The following FSIP1 variants were observed in gnomAD, a reference collection of about 807,000 sequenced individuals.
FSIP1 encodes the protein fibrous sheath-interacting protein 1.
In FSIP1, 65 loss-of-function variants were observed where a neutral mutation model predicts 60.9. The observed-to-expected ratio is 1.07, with a 90% CI of 0.87 to 1.31. The LOEUF (loss-of-function observed/expected upper bound fraction) is 1.31. Ranked by LOEUF, FSIP1 falls within the 40% of genes most tolerant of loss-of-function variation. The pLI is 0.00. For missense variants in FSIP1, 675 were observed against 665.5 expected, an observed-to-expected ratio of 1.01 and a Z score of -0.16; for synonymous variants, 209 against 221.2, an observed-to-expected ratio of 0.94 and a Z score of 0.49.
At chr15:39,778,925 T>G (rs1472138340) in intron 1 of FSIP1, among the ~76,000 whole-genome samples, 1 of 152,014 alleles carries the variant, frequency 6.6e-6, no homozygotes, top group Non-Finnish European at 1.5e-5. Flanking sequence ...TAAAGATAAA[T>G]TTCATAATTA....
intron 11 of FSIP1, among the ~76,000 whole-genome samples, chr15:39,611,603 C>T (rs1214537716): frequency 6.6e-6 from 1 of 152,188 alleles, no homozygotes; most frequent in Non-Finnish European, 1.5e-5. Context: ...AAAGAAACAA[C>T]AGCTCTACAA....
chr15:39,780,259 C>G (rs943130714), intron 1 of FSIP1, among the ~76,000 whole-genome samples: 2 of 152,206 alleles, frequency 1.3e-5, no homozygotes, highest in East Asian at 1.9e-4. Flanking sequence ...CGCGGTGGCT[C>G]ACGCCTGTAA....
intron 11 of FSIP1, among the ~76,000 whole-genome samples, chr15:39,615,280 A>T (rs191808116): frequency 6.6e-6 from 1 of 152,162 alleles, no homozygotes; most frequent in Non-Finnish European, 1.5e-5. Flanking sequence ...CAAACCAAAA[A>T]GTGTCTGCAC....
At chr15:39,767,584 C>G (rs112046448) in intron 3 of FSIP1, among the ~76,000 whole-genome samples, 2,427 of 152,290 alleles carry the variant, frequency 0.016, 81 homozygotes, top group African/African-American at 0.055. Context: ...GCCTGCCATG[C>G]CCCCATCCTG....
intron 10 of FSIP1, among the ~76,000 whole-genome samples, chr15:39,693,645 C>T (rs538999689): frequency 6.6e-6 from 1 of 152,266 alleles, no homozygotes; most frequent in South Asian, 2.1e-4. Flanking sequence ...ATCAACTCTG[C>T]TAAGGCCCAA....
chr15:39,702,251 G>T (rs1031064248), intron 10 of FSIP1, among the ~76,000 whole-genome samples: 1 of 149,414 alleles, frequency 6.7e-6, no homozygotes. Context: ...TGTTTCCTGT[G>T]CTCCCTACAC....
chr15:39,697,038 TA>T (rs1272160959), intron 10 of FSIP1, among the ~76,000 whole-genome samples: 1 of 152,142 alleles, frequency 6.6e-6, no homozygotes, highest in Non-Finnish European at 1.5e-5. Flanking sequence ...TTTTCTTCTT[TA>T]TATTTTTCTA....
At chr15:39,696,457 T>C (rs77446698) in intron 10 of FSIP1, among the ~76,000 whole-genome samples, 77 of 152,256 alleles carry the variant, frequency 5.1e-4, no homozygotes, top group African/African-American at 1.8e-3. Context: ...AACTCTGAGA[T>C]TGGCAGAAAA....
chr15:39,646,191 G>C (rs944399451), intron 10 of FSIP1, among the ~76,000 whole-genome samples: 1 of 152,096 alleles, frequency 6.6e-6, no homozygotes, highest in Non-Finnish European at 1.5e-5. Context: ...CTGCAGAGAG[G>C]AGTACCCTCA....
At chr15:39,750,553 A>G (rs1434999301) in intron 5 of FSIP1, among the ~76,000 whole-genome samples, 2 of 152,042 alleles carry the variant, frequency 1.3e-5, no homozygotes, top group African/African-American at 4.8e-5. Context: ...AGTCTCTTCA[A>G]TAAATGGTGC....
At chr15:39,604,015 T>G (rs1890734955) in intron 11 of FSIP1, among the ~76,000 whole-genome samples, 1 of 152,186 alleles carries the variant, frequency 6.6e-6, no homozygotes. Context: ...CACCGCAACC[T>G]CCACCTCCCG....
intron 11 of FSIP1, among the ~76,000 whole-genome samples, chr15:39,602,692 C>A (rs1308617240): frequency 2.6e-5 from 4 of 152,124 alleles, no homozygotes; most frequent in Non-Finnish European, 4.4e-5. Context: ...TAATTCCACG[C>A]CTTCGTAAGT....
At chr15:39,659,407 T>A (rs1428187489) in intron 10 of FSIP1, among the ~76,000 whole-genome samples, 1 of 151,872 alleles carries the variant, frequency 6.6e-6, no homozygotes, top group Admixed American at 6.6e-5. Context: ...CCAGGCGTGG[T>A]GGCGGGCGCC....
chr15:39,601,826 GA>G (rs756748489), intron 11 of FSIP1, among the ~76,000 whole-genome samples: 7 of 152,214 alleles, frequency 4.6e-5, no homozygotes, highest in Non-Finnish European at 1.0e-4. Flanking sequence ...CCATTTATAT[GA>G]AATGTTCAGA....
Position 39,600,878 on chromosome 15 carries a change from G to T in FSIP1, c.*2C>A. The T allele has an allele frequency of 6.2e-7, 1 of 1,604,990 alleles. No individual in the cohort carries two copies. The highest frequency in any genetic ancestry group is 8.5e-7 in the Non-Finnish European group (1 of 1,176,838). On this transcript the variant is annotated 3_prime_UTR_variant, in exon 12 of 12. Coordinates refer to ENST00000350221, the MANE Select transcript of FSIP1 (RefSeq NM_152597.5). ...TGAAAAGCACACCCAGCAAGTCCTT[G>T]ATTAGGGTTCTTTACATTCTTCTGC...
intron 8 of FSIP1, among the ~76,000 whole-genome samples, chr15:39,734,128 C>A (rs571854217): frequency 5.3e-4 from 80 of 152,116 alleles, no homozygotes; most frequent in Non-Finnish European, 9.7e-4. Flanking sequence ...ATTGTGAACT[C>A]CAAAATAAGG....
chr15:39,649,360 C>T (rs1892769874), intron 10 of FSIP1, among the ~76,000 whole-genome samples: 1 of 152,150 alleles, frequency 6.6e-6, no homozygotes, highest in Non-Finnish European at 1.5e-5. Context: ...GTCATAAAGA[C>T]ACTATAAGTT....
chr15:39,642,310 T>C (rs1892403947), intron 10 of FSIP1, among the ~76,000 whole-genome samples: 1 of 152,194 alleles, frequency 6.6e-6, no homozygotes, highest in Non-Finnish European at 1.5e-5. Flanking sequence ...CCCTGTTTTT[T>C]ATTTAATTAT....
intron 11 of FSIP1, among the ~76,000 whole-genome samples, chr15:39,609,947 C>T (rs905249262): frequency 1.3e-5 from 2 of 152,168 alleles, no homozygotes; most frequent in African/African-American, 2.4e-5. Context: ...TACCAGCTGG[C>T]CTATCCATAA....
Sources: allele counts gnomAD v4.1 joint callset (sites outside exome capture counted in the v4.1 genomes callset), GRCh38; gene constraint gnomAD v4.1.1; transcripts MANE v1.5; gene names NCBI Gene and HGNC (gene_info 2026-07-23, HGNC 2026-07-21).